Variants in NCOA3 observed in about 807,000 individuals in gnomAD.
The protein encoded by NCOA3 is CBP-interacting protein.
NCOA3 carries 51 observed loss-of-function variants against 158.8 expected under a neutral mutation model. The observed-to-expected ratio is 0.32, with a 90% CI of 0.26 to 0.41. The LOEUF is 0.41. Ranked by LOEUF, NCOA3 falls within the 10% of genes least tolerant of loss-of-function variation. The pLI is 1.00. For missense variants in NCOA3, 1,510 were observed against 1,746.6 expected, an observed-to-expected ratio of 0.86 and a Z score of 2.41; for synonymous variants, 537 against 592.4, an observed-to-expected ratio of 0.91 and a Z score of 1.36.
chr20:47,598,063 A>G (rs2085792092), intron 2 of NCOA3, among the ~76,000 whole-genome samples: 1 of 151,006 alleles, frequency 6.6e-6, no homozygotes. Flanking sequence ...GGCTAACGCA[A>G]TGAAACCCCA....
chr20:47,502,470 C>A (rs189257930), intron 1 of NCOA3, among the ~76,000 whole-genome samples: 1 of 152,186 alleles, frequency 6.6e-6, no homozygotes, highest in African/African-American at 2.4e-5. Context: ...CGCGGGGACC[C>A]CCCCCACCCC....
At chr20:47,592,506 T>C (rs2085662331) in intron 2 of NCOA3, among the ~76,000 whole-genome samples, 1 of 152,246 alleles carries the variant, frequency 6.6e-6, no homozygotes, top group Non-Finnish European at 1.5e-5. Flanking sequence ...TGAAATACTT[T>C]TACCTCTTAT....
At chr20:47,598,011 C>T (rs987016487) in intron 2 of NCOA3, among the ~76,000 whole-genome samples, 5 of 150,764 alleles carry the variant, frequency 3.3e-5, no homozygotes, top group South Asian at 4.2e-4. Context: ...TTTAGGAGGC[C>T]GAGGTGGGCG....
chr20:47,639,046 C>T lies in NCOA3; in HGVS notation c.2551C>T (p.Pro851Ser). 6.2e-7 allele frequency: 1 copy of T among 1,614,118 alleles called. No individual in the cohort carries two copies. Among genetic ancestry groups the T allele is most frequent in the Non-Finnish European group, 8.5e-7 (1 of 1,180,006 alleles). ...SSQSVQSIRP[P>S]YNRAVSLDSP... ...ACAGTCTGTGCAGTCTATTCGTCCT[C>T]CATATAACCGAGCAGTGTCTCTGGA... The change falls in exon 14 of 23, where the codon CCA (proline) becomes TCA (serine). Residue 851 changes from proline to serine, a missense_variant. By Grantham distance (74) the Pro-to-Ser change is moderately conservative. Around this residue, in one of 4 missense-constraint regions of NCOA3, gnomAD observed 1,017 missense variants for 1,098.3 expected, o/e 0.93. Transcript: ENST00000371998.
At position 47,651,251 on chromosome 20, in the gene NCOA3, A is replaced by G; in HGVS notation, c.3921A>G (p.Gln1307=). ...CCACAATGCCACAAGCTCCTCCGCA[A>G]CAGTTTCCATATCAACCAAATTATG... ...AGPTMPQAPP[Q]QFPYQPNYGM... is the part of the protein sequence containing the mutation. The change falls in exon 20 of 23, where the codon CAA becomes CAG. Residue 1307 remains glutamine (Q), a synonymous_variant. Coordinates refer to ENST00000371998, the MANE Select transcript of NCOA3 (RefSeq NM_181659.3). 6.2e-7 allele frequency: 1 copy of G among 1,610,208 alleles called. No individual in the cohort carries two copies. The highest frequency in any genetic ancestry group is 8.5e-7 in the Non-Finnish European group (1 of 1,176,602).
chr20:47,652,832 G>C, intron 21 of NCOA3, 99 bp from the exon 22 acceptor site: 2 of 1,364,626 alleles, frequency 1.5e-6, no homozygotes, highest in Non-Finnish European at 2.1e-6. Context: ...CCCAGCTTAA[G>C]TATAGCAATG....
chr20:47,549,818 A>G (rs949081362), intron 1 of NCOA3, among the ~76,000 whole-genome samples: 1 of 151,966 alleles, frequency 6.6e-6, no homozygotes, highest in African/African-American at 2.4e-5. Flanking sequence ...CTCCCACCTT[A>G]GCTTCTTAAA....
chr20:47,651,074 G>GCAGCAGCAA lies in NCOA3; in HGVS notation c.3752_3753insACAGCAGCA (p.Gln1274_Gln1276dup), dbSNP rs756693453. 2 of 1,255,538 alleles carry GCAGCAGCAA rather than the reference G, an allele frequency of 1.6e-6. No individual in the cohort carries two copies. The highest frequency in any genetic ancestry group is 2.2e-6 in the Non-Finnish European group (2 of 901,024). The allele number at this position is 1,255,538 out of a possible 1,614,324, so 77.8% of individuals were successfully genotyped here. A position where few individuals can be genotyped will look rare whatever the true frequency, so the allele number is the denominator to read the frequency against. Reference sequence around the variant, plus strand: ...AACAGAGGGTGGCTATGATGATGCAGCAGCAGCAGCAGCAGCAACAGCAGC... The same window carrying GCAGCAGCAA: ...AACAGAGGGTGGCTATGATGATGCAGCAGCAGCAACAGCAGCAGCAGCAGCAACAGCAGC... On this transcript the variant is annotated inframe_insertion, in exon 20 of 23. Transcript: ENST00000371998.
At chr20:47,558,820 C>CTTTTTTTTTTTTTTT (rs56997127) in intron 1 of NCOA3, among the ~76,000 whole-genome samples, 1 of 114,508 alleles carries the variant, frequency 8.7e-6, no homozygotes, top group African/African-American at 3.1e-5. Flanking sequence ...ACTTTTTTCA[C>CTTTTTTTTTTTTTTT]TTTTTTTTTT....
At chr20:47,541,702 G>A (rs1242388366) in intron 1 of NCOA3, among the ~76,000 whole-genome samples, 1 of 151,072 alleles carries the variant, frequency 6.6e-6, no homozygotes, top group African/African-American at 2.4e-5. Context: ...CCTTCATACC[G>A]TTTTGAAGCA....
intron 17 of NCOA3, among the ~76,000 whole-genome samples, chr20:47,643,169 C>T (rs1321914694): frequency 1.3e-5 from 2 of 152,246 alleles, no homozygotes; most frequent in Admixed American, 6.5e-5. Context: ...TCGCCTTGGC[C>T]TCCCAAAGTG....
chr20:47,541,018 A>T (rs555179998), intron 1 of NCOA3, among the ~76,000 whole-genome samples: 1 of 152,116 alleles, frequency 6.6e-6, no homozygotes, highest in African/African-American at 2.4e-5. Flanking sequence ...AAATCTCCAT[A>T]TGAGAGTGCA....
Position 47,588,131 on chromosome 20 carries a change from C to CTTTTTT in NCOA3, c.-20+4892_-20+4897dup, listed in dbSNP as rs33989951. ...CCCTCCATACCCTTTCTCCACCCCA[C>CTTTTTT]TTTTTTTTTTTTTTTTTTTTTTTTT... On this transcript the variant is annotated intron_variant, in intron 2 of 22. Transcript: ENST00000371998. Among the ~76,000 whole-genome samples, 45 of 78,562 alleles carry CTTTTTT rather than the reference C, an allele frequency of 5.7e-4. 1 individual carries two copies. Among genetic ancestry groups the CTTTTTT allele is most frequent in the African/African-American group, 1.9e-3 (40 of 20,868 alleles). The allele number at this position is 78,562 out of a possible 152,430, so 51.5% of individuals were successfully genotyped here.
intron 1 of NCOA3, among the ~76,000 whole-genome samples, chr20:47,524,703 C>T (rs1319057769): frequency 6.6e-6 from 1 of 152,168 alleles, no homozygotes; most frequent in Non-Finnish European, 1.5e-5. Flanking sequence ...CCCCAGTATA[C>T]AGATCTTATA....
At position 47,635,945 on chromosome 20, in the gene NCOA3, GCAGC is replaced by G; in HGVS notation, c.1560_1563del (p.Ser521LeufsTer33). The G allele has an allele frequency of 6.2e-7, 1 of 1,614,028 alleles. No individual in the cohort carries two copies. Among genetic ancestry groups the G allele is most frequent in the Non-Finnish European group, 8.5e-7 (1 of 1,179,964 alleles). On this transcript the variant is annotated frameshift_variant, in exon 12 of 23. Transcript: ENST00000371998. LOFTEE classifies it high-confidence loss of function. The stretch of plus-strand genomic sequence containing the variant: ...AATACTGGGAACCACAGCTTTTCCA[GCAGC>G]TCTCTCAGTGCCCTGCAAGCCATCA...
At chr20:47,571,689 C>T (rs1163656900) in intron 1 of NCOA3, among the ~76,000 whole-genome samples, 1 of 152,060 alleles carries the variant, frequency 6.6e-6, no homozygotes, top group East Asian at 1.9e-4. Context: ...TTATAATGCA[C>T]AGGCAGAATA....
At chr20:47,640,600 G>GC (rs781161998) in intron 16 of NCOA3, among the ~76,000 whole-genome samples, 95 of 151,984 alleles carry the variant, frequency 6.3e-4, no homozygotes, top group Non-Finnish European at 1.0e-3. Context: ...AAGATTGTAG[G>GC]CCCGGTGTGG....
chr20:47,652,950 T>C lies in NCOA3; in HGVS notation c.4141T>C (p.Phe1381Leu). Residue 1381 changes from phenylalanine (F) to leucine (L), a missense_variant, in exon 22 of 23, where the codon TTT becomes CTT. This residue lies in a region of NCOA3 where 180 missense variants were observed against 199.3 expected (regional missense o/e 0.90). Transcript: ENST00000371998. ...ARNSSFSQQQ[F>L]AHQGNPAVYS... ...TTACAGCTCCTTTTCCCAGCAGCAG[T>C]TTGCCCACCAGGGGAATCCTGCAGT... 1.2e-6 allele frequency: 2 copies of C among 1,614,194 alleles called. No individual in the cohort carries two copies. Among genetic ancestry groups the C allele is most frequent in the Non-Finnish European group, 1.7e-6 (2 of 1,180,026 alleles).
intron 19 of NCOA3, among the ~76,000 whole-genome samples, chr20:47,650,287 G>A (rs1375210094): frequency 7.5e-6 from 1 of 132,572 alleles, no homozygotes; most frequent in Non-Finnish European, 1.6e-5. Flanking sequence ...GAGAGTCACT[G>A]TTGCCCAGGC....
Sources: allele counts gnomAD v4.1 joint callset (sites outside exome capture counted in the v4.1 genomes callset), GRCh38; gene constraint gnomAD v4.1.1; regional missense constraint gnomAD v4.1.1; transcripts MANE v1.5; gene names NCBI Gene and HGNC (gene_info 2026-07-23, HGNC 2026-07-21).